Variants in TRRAP observed in about 807,000 individuals in gnomAD.
The protein encoded by TRRAP is transformation/transcription domain-associated protein.
In TRRAP, 41 loss-of-function variants were observed where a neutral mutation model predicts 438.8. That is an observed-to-expected ratio of 0.09 (90% CI 0.07 to 0.12). TRRAP has a LOEUF of 0.12. Ranked by LOEUF, TRRAP falls within the 10% of genes least tolerant of loss-of-function variation. The pLI, the probability that TRRAP is intolerant of heterozygous loss-of-function variation, is 1.00. For synonymous variants in TRRAP, 1,994 were observed against 1,962.9 expected, an observed-to-expected ratio of 1.02 and a Z score of -0.42; for missense variants, 3,122 against 5,055.1, an observed-to-expected ratio of 0.62 and a Z score of 11.60.
rs200219350 is a variant in TRRAP at position 99,011,288 on chromosome 7, C to T, written c.11142+33C>T. Reference sequence around the variant, plus strand: ...GCTTTGAACAGCCAGATCCTCTCCTCGTGACATCGCCTTTCTGCTGAAGTT... The same window carrying T: ...GCTTTGAACAGCCAGATCCTCTCCTTGTGACATCGCCTTTCTGCTGAAGTT... On this transcript the variant is annotated intron_variant, in intron 71 of 72. Coordinates refer to ENST00000456197, the MANE Select transcript of TRRAP (RefSeq NM_001375524.1). This position sits in a 1 kb window ranked among gnomAD's most constrained non-coding sequence, Gnocchi z 7.1. The T allele has an allele frequency of 1.3e-4, 217 of 1,613,024 alleles. 2 individuals are homozygous for T. The East Asian group carries it at 4.1e-3, about 30-fold the overall frequency.
chr7:99,001,703 C>A (rs921160616), intron 67 of TRRAP, among the ~76,000 whole-genome samples: 2 of 152,114 alleles, frequency 1.3e-5, no homozygotes, highest in African/African-American at 4.8e-5. Flanking sequence ...GTGTTCCGTT[C>A]GTGGAATGCA....
chr7:98,980,794 C>A (rs1428940143), intron 58 of TRRAP, among the ~76,000 whole-genome samples: 1 of 152,270 alleles, frequency 6.6e-6, no homozygotes, highest in African/African-American at 2.4e-5. Context: ...TGGCTCACGC[C>A]TGTGATCCCA....
intron 68 of TRRAP, 24 bp downstream of exon 68, chr7:99,004,439 G>A: frequency 3.1e-6 from 5 of 1,604,126 alleles, no homozygotes; most frequent in Admixed American, 3.4e-5. Flanking sequence ...CCTGGCAGGT[G>A]GAACTAACCC....
intron 6 of TRRAP, among the ~76,000 whole-genome samples, chr7:98,894,865 A>G (rs1196300966): frequency 3.7e-5 from 5 of 134,570 alleles, no homozygotes; most frequent in Non-Finnish European, 6.1e-5. Context: ...GTAACTCCTG[A>G]CCTCATGTGA....
At chr7:98,981,432 T>G (rs1195723006) in intron 58 of TRRAP, among the ~76,000 whole-genome samples, 2 of 152,150 alleles carry the variant, frequency 1.3e-5, no homozygotes, top group Non-Finnish European at 2.9e-5. Context: ...GCCGGCTGAC[T>G]TGTTAGCAGA....
intron 39 of TRRAP, 88 bp downstream of exon 39, chr7:98,951,092 T>TGTGTGTGTGTTA (rs1791317611): frequency 7.7e-7 from 1 of 1,304,576 alleles, no homozygotes; most frequent in Admixed American, 3.0e-5. Context: ...TGTGTGTGTG[T>TGTGTGTGTGTTA]GTTAAGGGGG....
chr7:98,912,909 T>C (rs1429871210), intron 18 of TRRAP, among the ~76,000 whole-genome samples: 2 of 152,128 alleles, frequency 1.3e-5, no homozygotes, highest in Non-Finnish European at 2.9e-5. Context: ...GCTGGGGTCT[T>C]GTGGTGGGTT....
chr7:98,891,391 A>G (rs1472962543), intron 4 of TRRAP, among the ~76,000 whole-genome samples: 1 of 146,754 alleles, frequency 6.8e-6, no homozygotes. Context: ...TTTGTACTTT[A>G]ATAGAGACCA....
chr7:98,878,901 A>G (rs1795285050), intron 1 of TRRAP, among the ~76,000 whole-genome samples: 1 of 151,942 alleles, frequency 6.6e-6, no homozygotes, highest in Admixed American at 6.5e-5. Flanking sequence ...TCGGCCTGGG[A>G]CGCGGTCACG....
intron 70 of TRRAP, among the ~76,000 whole-genome samples, chr7:99,009,965 G>A (rs915677455): frequency 3.0e-5 from 4 of 133,616 alleles, no homozygotes; most frequent in Non-Finnish European, 4.6e-5. Context: ...TCGGCTCACC[G>A]CATCCTCCGC....
In TRRAP at chr7:98,933,422, G is replaced by T; in HGVS notation, c.4014+20G>T. On this transcript the variant is annotated intron_variant, in intron 27 of 72. Transcript: ENST00000456197. Reference sequence around the variant, plus strand: ...ACAGAGGTAGGGGGGTGGTGGTGCGGAGTGGTGTGGATGGTGATGACGTGT... The same window carrying T: ...ACAGAGGTAGGGGGGTGGTGGTGCGTAGTGGTGTGGATGGTGATGACGTGT... 1 of 1,608,342 alleles carries T rather than the reference G, an allele frequency of 6.2e-7. No homozygotes were observed.
intron 43 of TRRAP, 57 bp from the exon 44 acceptor site, chr7:98,957,924 T>C: frequency 6.6e-7 from 1 of 1,508,188 alleles, no homozygotes; most frequent in South Asian, 1.2e-5. Flanking sequence ...AAGTCAAGCC[T>C]GGGTTGGAAA....
intron 47 of TRRAP, among the ~76,000 whole-genome samples, chr7:98,963,648 T>G (rs1792023934): frequency 6.6e-6 from 1 of 152,164 alleles, no homozygotes; most frequent in Non-Finnish European, 1.5e-5. Flanking sequence ...TCATCAAGTG[T>G]CATGGGTTGC....
intron 19 of TRRAP, 106 bp downstream of exon 19, chr7:98,915,994 G>A: frequency 1.4e-6 from 2 of 1,460,434 alleles, no homozygotes; most frequent in East Asian, 2.3e-5. Context: ...TGAGTGTCAT[G>A]GTTGGTGGGA....
At chr7:98,906,097 AC>A (rs1796713731) in intron 12 of TRRAP, 79 bp from the exon 13 acceptor site, 39 of 1,300,706 alleles carry the variant, frequency 3.0e-5, no homozygotes, top group Middle Eastern at 1.9e-4. Flanking sequence ...CGGGCTGGCT[AC>A]TTCGAAAGCA....
intron 5 of TRRAP, among the ~76,000 whole-genome samples, chr7:98,893,011 G>T (rs963447695): frequency 6.6e-6 from 1 of 151,872 alleles, no homozygotes; most frequent in Non-Finnish European, 1.5e-5. Context: ...GAGTGCAGTG[G>T]TGTGATCTTG....
chr7:98,910,694 C>T, intron 16 of TRRAP, 87 bp downstream of exon 16: 1 of 1,154,166 alleles, frequency 8.7e-7, no homozygotes, highest in Non-Finnish European at 1.2e-6. Context: ...GCAGTGAGAG[C>T]TGTTAGTATT....
intron 52 of TRRAP, among the ~76,000 whole-genome samples, chr7:98,970,690 A>G (rs1792376392): frequency 6.6e-6 from 1 of 152,068 alleles, no homozygotes; most frequent in Non-Finnish European, 1.5e-5. Flanking sequence ...ACTGCTGAGA[A>G]CAGAACATTT....
intron 19 of TRRAP, 52 bp from the exon 20 acceptor site, chr7:98,917,371 C>T (rs1789561234): frequency 6.3e-7 from 1 of 1,587,176 alleles, no homozygotes; most frequent in Non-Finnish European, 8.6e-7. Flanking sequence ...TTCACCTGGG[C>T]CCGAGTCTGG....
Sources: gnomAD v4.1 joint callset for allele counts (sites outside exome capture counted in the v4.1 genomes callset) on GRCh38, gnomAD v4.1.1 for gene constraint, Gnocchi (gnomAD v3.1) non-coding constraint, MANE v1.5 for transcripts, NCBI Gene and HGNC (gene_info 2026-07-23, HGNC 2026-07-21) for gene names.